TBCE: variants seen among roughly 807,000 people sequenced by gnomAD.
The protein encoded by TBCE is tubulin-specific chaperone E.
Under a neutral mutation model 77.0 loss-of-function variants are expected in TBCE, and 53 were observed. The observed-to-expected ratio is 0.69, with a 90% confidence interval of 0.55 to 0.87. TBCE has a LOEUF of 0.87. TBCE is among the 40% of genes least tolerant of loss of function. The pLI is 0.00. For missense variants in TBCE, 624 were observed against 622.4 expected, an observed-to-expected ratio of 1.00 and a Z score of -0.03; for synonymous variants, 235 against 241.3, an observed-to-expected ratio of 0.97 and a Z score of 0.24.
At chr1:235,439,350 G>A (rs992351489) in intron 13 of TBCE, among the ~76,000 whole-genome samples, 1 of 149,700 alleles carries the variant, frequency 6.7e-6, no homozygotes, top group African/African-American at 2.5e-5. Context: ...AAAAAAATGA[G>A]CCGGGCGTGG....
intron 13 of TBCE, among the ~76,000 whole-genome samples, chr1:235,439,695 C>T (rs1456822831): frequency 6.6e-6 from 1 of 151,506 alleles, no homozygotes; most frequent in Non-Finnish European, 1.5e-5. Context: ...ACCATATTGG[C>T]CAGGCTGGTC....
intron 3 of TBCE, among the ~76,000 whole-genome samples, chr1:235,407,135 T>C (rs1005440462): frequency 1.1e-3 from 137 of 121,328 alleles, no homozygotes; most frequent in African/African-American, 5.0e-3. Context: ...GGCCCCCGCC[T>C]TTTTTTTTTT....
At chr1:235,414,667 G>T (rs1225905988) in intron 4 of TBCE, 49 bp downstream of exon 4, 11 of 1,582,776 alleles carry the variant, frequency 6.9e-6, no homozygotes, top group Non-Finnish European at 9.5e-6. Context: ...TTTTATTAAG[G>T]TTCAGAATTG....
At position 235,385,472 on chromosome 1, in the gene TBCE, G is replaced by C. The variant is rs554111718; in HGVS notation, c.100+5323G>C. Among the ~76,000 whole-genome samples, 735 of 151,854 alleles carry C rather than the reference G, an allele frequency of 4.8e-3. 8 individuals carry two copies. The highest frequency in any genetic ancestry group is 0.017 in the African/African-American group (714 of 41,266). On this transcript the variant is annotated intron_variant, in intron 2 of 16. Coordinates refer to ENST00000642610, the MANE Select transcript of TBCE (RefSeq NM_003193.5). The stretch of plus-strand genomic sequence containing the variant: ...AGTCTAAGTCTCTTTGTAGGTCACT[G>C]AGGACTTGCTTTATGAATCTGGGTG...
chr1:235,380,111 C>G lies in TBCE; in HGVS notation c.62C>G (p.Ala21Gly). 16 of 1,612,214 alleles carry G rather than the reference C, an allele frequency of 9.9e-6. No individual in the cohort carries two copies. The highest frequency in any genetic ancestry group is 1.3e-5 in the Non-Finnish European group (15 of 1,179,266). Residue 21 changes from alanine (A) to glycine (G), a missense_variant, in exon 2 of 17, where the codon GCA (alanine) becomes GGA (glycine). Ala to Gly is a moderately conservative substitution (Grantham distance 60). Coordinates refer to ENST00000642610, the MANE Select transcript of TBCE (RefSeq NM_003193.5). ...AGAGTTGAAGTTAATGGAGAACATG[C>G]AACAGTACGTTTTGCTGGTGTTGTC... The part of the protein sequence containing the change: ...GRRVEVNGEH[A>G]TVRFAGVVPP...
At chr1:235,440,379 C>G (rs901208134) in intron 13 of TBCE, among the ~76,000 whole-genome samples, 1 of 151,998 alleles carries the variant, frequency 6.6e-6, no homozygotes. Context: ...CAGTTTATGT[C>G]TGAGGCATCC....
At chr1:235,440,740 G>GA (rs959011454) in intron 13 of TBCE, 1 of 152,142 alleles carries the variant, frequency 6.6e-6, no homozygotes, top group African/African-American at 2.4e-5. Context: ...TAGTGAATAG[G>GA]AAAGTTCGTA....
At chr1:235,427,038 A>G in intron 5 of TBCE, 102 bp from the exon 6 acceptor site, 4 of 825,126 alleles carry the variant, frequency 4.8e-6, no homozygotes, top group Non-Finnish European at 8.1e-6. Flanking sequence ...TAGAGGGTAT[A>G]AAATGAAAAG....
Position 235,450,520 on chromosome 1 carries a change from C to G in TBCE, c.*1758C>G, listed in dbSNP as rs1171380973. 3 of 633,874 alleles carry G rather than the reference C, an allele frequency of 4.7e-6. No individual in the cohort carries two copies. The highest frequency in any genetic ancestry group is 8.0e-6 in the Non-Finnish European group (3 of 375,032). 39.3% of individuals were successfully genotyped at this position (633,874 alleles called of 1,614,324 possible). A position where few individuals can be genotyped will look rare whatever the true frequency, so the allele number is the denominator to read the frequency against. ...GGCACCTCCTGATTTGGGAAAGCAC[C>G]AGGTCCCACAGTCCTGTGGCTGTGG... On this transcript the variant is annotated 3_prime_UTR_variant, in exon 17 of 17. Transcript: ENST00000642610.
intron 2 of TBCE, among the ~76,000 whole-genome samples, chr1:235,386,200 G>C (rs1390578303): frequency 2.0e-5 from 3 of 152,070 alleles, no homozygotes; most frequent in African/African-American, 7.2e-5. Flanking sequence ...TTAGTCTGAT[G>C]GGCTTCCCTT....
Position 235,380,034 on chromosome 1 carries a change from T to C in TBCE, c.-16T>C. On this transcript the variant is annotated 5_prime_UTR_variant, in exon 2 of 17. Coordinates refer to ENST00000642610, the MANE Select transcript of TBCE (RefSeq NM_003193.5). ...TTCTTCCTAGATCTCATATTTTGGA[T>C]TCTGGATATATTATAATGAGTGACA... is the stretch of plus-strand genomic sequence containing the variant. 1.9e-6 allele frequency: 3 copies of C among 1,602,480 alleles called. No individual in the cohort carries two copies. Among genetic ancestry groups the C allele is most frequent in the Non-Finnish European group, 2.6e-6 (3 of 1,169,584 alleles).
chr1:235,432,842 A>C (rs1681180555), intron 7 of TBCE: 1 of 459,444 alleles, frequency 2.2e-6, no homozygotes, highest in South Asian at 9.8e-5. Flanking sequence ...GGCAACATAG[A>C]GAGATCCTGT....
At chr1:235,379,688 C>A (rs1476713284) in intron 1 of TBCE, among the ~76,000 whole-genome samples, 2 of 152,088 alleles carry the variant, frequency 1.3e-5, no homozygotes, top group African/African-American at 4.8e-5. Flanking sequence ...GTGGCTCACA[C>A]CTGTAATTTT....
In TBCE at chr1:235,450,166, TGCC is replaced by T; in HGVS notation, c.*1405_*1407del. On this transcript the variant is annotated 3_prime_UTR_variant, in exon 17 of 17. Transcript: ENST00000642610. ...TCAGACTTGCACTCAGATTATCGTT[TGCC>T]TGCCCTGATTTTAGACTCTGCTAAT... 6.2e-7 allele frequency: 1 copy of T among 1,611,720 alleles called. No individual in the cohort carries two copies. The highest frequency in any genetic ancestry group is 2.2e-5 in the East Asian group (1 of 44,854).
Position 235,449,052 on chromosome 1 carries a change from ACTAG to A in TBCE, c.*296_*299del, listed in dbSNP as rs1682711278. On this transcript the variant is annotated 3_prime_UTR_variant, in exon 17 of 17. Transcript: ENST00000642610. ...AGATTTAAATATTAAATAGAAAGAAACTAGCTAGCCTAATAAAATCTGAACACAG... is the reference window on the plus strand; with the variant it reads ...AGATTTAAATATTAAATAGAAAGAAACTAGCCTAATAAAATCTGAACACAG... 2 of 343,314 alleles carry A rather than the reference ACTAG, an allele frequency of 5.8e-6. No homozygotes were observed. Among genetic ancestry groups the A allele is most frequent in the Admixed American group, 8.6e-5 (2 of 23,334 alleles). The allele number at this position is 343,314 out of a possible 1,614,324, so 21.3% of individuals were successfully genotyped here. A position where few individuals can be genotyped will look rare whatever the true frequency, so the allele number is the denominator to read the frequency against.
rs375029397 is a variant in TBCE at position 235,437,458 on chromosome 1, C to T, written c.1100C>T (p.Thr367Met). 60 of 1,613,896 alleles carry T rather than the reference C, an allele frequency of 3.7e-5. No individual in the cohort carries two copies. The highest frequency in any genetic ancestry group is 4.5e-5 in the East Asian group (2 of 44,892). ...LIIASIGQLK[T>M]LNKCEILPEE... Reference sequence around the variant, plus strand: ...ATCGCCAGCATTGGCCAGCTGAAGACGCTGAACAAATGTGAGGTGAGCACT... The same window carrying T: ...ATCGCCAGCATTGGCCAGCTGAAGATGCTGAACAAATGTGAGGTGAGCACT... The change falls in exon 12 of 17, where the codon ACG (threonine) becomes ATG (methionine). Residue 367 changes from threonine to methionine, a missense_variant. By Grantham distance (81) the Thr-to-Met change is moderately conservative. Coordinates refer to ENST00000642610, the MANE Select transcript of TBCE (RefSeq NM_003193.5).
chr1:235,419,590 G>A (rs756375686), intron 5 of TBCE, 29 bp downstream of exon 5: 1 of 1,613,376 alleles, frequency 6.2e-7, no homozygotes, highest in Non-Finnish European at 8.5e-7. Context: ...GCTTGTTATT[G>A]GAATCTGACT....
chr1:235,417,929 C>A (rs142489181), intron 4 of TBCE, among the ~76,000 whole-genome samples: 1 of 152,132 alleles, frequency 6.6e-6, no homozygotes, highest in Non-Finnish European at 1.5e-5. Flanking sequence ...AGGTGCCCCC[C>A]ACTATGCCAG....
In TBCE at chr1:235,450,110, C is replaced by T. The variant is rs1682800214; in HGVS notation, c.*1348C>T. The T allele has an allele frequency of 4.1e-6, 6 of 1,448,086 alleles. No individual in the cohort carries two copies. The African/African-American group carries it at 7.0e-5, about 17-fold the overall frequency. The allele number at this position is 1,448,086 out of a possible 1,614,324, so 89.7% of individuals were successfully genotyped here. ...CCAGTCTGGAACTCTCTTGAAAGACCATACAGTCTACTGCTAAACCCTGGG... is the reference window on the plus strand; with the variant it reads ...CCAGTCTGGAACTCTCTTGAAAGACTATACAGTCTACTGCTAAACCCTGGG... On this transcript the variant is annotated 3_prime_UTR_variant, in exon 17 of 17. Coordinates refer to ENST00000642610, the MANE Select transcript of TBCE (RefSeq NM_003193.5).
Sources: allele counts gnomAD v4.1 joint callset (sites outside exome capture counted in the v4.1 genomes callset), GRCh38; gene constraint gnomAD v4.1.1; transcripts MANE v1.5; gene names NCBI Gene and HGNC (gene_info 2026-07-23, HGNC 2026-07-21).